CNTNAP5: variants seen among roughly 807,000 people sequenced by gnomAD.
CNTNAP5 encodes the protein contactin associated protein family member 5.
Under a neutral mutation model 150.2 loss-of-function variants are expected in CNTNAP5, and 72 were observed. The ratio of observed to expected loss-of-function variants is 0.48; its 90% confidence interval spans 0.40 to 0.58. The LOEUF (loss-of-function observed/expected upper bound fraction) is 0.58, where lower values mean the gene tolerates loss of function less well. Ranked by LOEUF, CNTNAP5 falls within the 20% of genes least tolerant of loss-of-function variation. The pLI is 0.00. For synonymous variants in CNTNAP5, 672 were observed against 619.8 expected, an observed-to-expected ratio of 1.08 and a Z score of -1.25; for missense variants, 1,636 against 1,626.2, an observed-to-expected ratio of 1.01 and a Z score of -0.10.
intron 1 of CNTNAP5, among the ~76,000 whole-genome samples, chr2:124,096,861 GC>G (rs1682951229): frequency 6.6e-6 from 1 of 151,724 alleles, no homozygotes; most frequent in South Asian, 2.1e-4. Context: ...ACACCACCAT[GC>G]CGGGCTAATT....
intron 3 of CNTNAP5, among the ~76,000 whole-genome samples, chr2:124,335,141 A>G (rs953497319): frequency 6.6e-6 from 1 of 152,078 alleles, no homozygotes; most frequent in Non-Finnish European, 1.5e-5. Flanking sequence ...TCCACCCAAA[A>G]TATGGGGTGC....
intron 1 of CNTNAP5, among the ~76,000 whole-genome samples, chr2:124,198,713 T>C (rs1194154964): frequency 1.3e-5 from 2 of 152,126 alleles, no homozygotes; most frequent in Non-Finnish European, 2.9e-5. Flanking sequence ...TAAGAAATAG[T>C]TTTTTAGCTT....
chr2:124,484,077 A>G (rs767718955), intron 7 of CNTNAP5, among the ~76,000 whole-genome samples: 9 of 152,078 alleles, frequency 5.9e-5, no homozygotes, highest in Non-Finnish European at 1.0e-4. Context: ...ACTACTTCCA[A>G]CTACCACAGC....
chr2:124,624,704 C>T (rs1388809111), intron 12 of CNTNAP5, among the ~76,000 whole-genome samples: 2 of 152,082 alleles, frequency 1.3e-5, no homozygotes, highest in Non-Finnish European at 2.9e-5. Context: ...ATATTTTGCA[C>T]AGTGTGGAAA....
intron 21 of CNTNAP5, among the ~76,000 whole-genome samples, chr2:124,900,784 G>A (rs762617681): frequency 6.6e-6 from 1 of 151,492 alleles, no homozygotes; most frequent in Non-Finnish European, 1.5e-5. Context: ...ATCCTACAAT[G>A]CAAAAACCTC....
intron 1 of CNTNAP5, among the ~76,000 whole-genome samples, chr2:124,035,282 T>C (rs1168053002): frequency 1.3e-5 from 2 of 152,220 alleles, no homozygotes; most frequent in African/African-American, 2.4e-5. Context: ...TTAAGTCTTT[T>C]CCCCCTGCTC....
intron 6 of CNTNAP5, among the ~76,000 whole-genome samples, chr2:124,453,149 G>A (rs1054094014): frequency 9.9e-5 from 15 of 151,396 alleles, no homozygotes; most frequent in East Asian, 1.9e-4. Context: ...GAAGTGAAGG[G>A]AGAAATATTC....
intron 1 of CNTNAP5, among the ~76,000 whole-genome samples, chr2:124,083,475 G>C (rs887210948): frequency 3.9e-5 from 6 of 152,068 alleles, no homozygotes; most frequent in Admixed American, 6.5e-5. Context: ...AGTCAAATCT[G>C]ACTTTATGGA....
In CNTNAP5 at chr2:124,772,179, G is replaced by A. The variant is rs115102609; in HGVS notation, c.2534-620G>A. Among the ~76,000 whole-genome samples, 1,064 of 152,198 alleles carry A rather than the reference G, an allele frequency of 7.0e-3. 6 individuals are homozygous for A. The highest frequency in any genetic ancestry group is 0.011 in the Non-Finnish European group (733 of 68,010). On this transcript the variant is annotated intron_variant, in intron 16 of 23. Coordinates refer to ENST00000682447, the MANE Select transcript of CNTNAP5 (RefSeq NM_001367498.1). The stretch of plus-strand genomic sequence containing the variant: ...ATCATCAGTATGCTTACTTCTGACT[G>A]GGTGCCATCTGGCTTCCATTATACA...
intron 3 of CNTNAP5, among the ~76,000 whole-genome samples, chr2:124,354,839 T>G (rs1408959742): frequency 6.6e-6 from 1 of 152,102 alleles, no homozygotes; most frequent in Admixed American, 6.6e-5. Flanking sequence ...TATGACCAGA[T>G]TTTTTATATG....
intron 19 of CNTNAP5, among the ~76,000 whole-genome samples, chr2:124,813,882 T>C (rs1406224753): frequency 6.6e-6 from 1 of 151,962 alleles, no homozygotes; most frequent in Non-Finnish European, 1.5e-5. Flanking sequence ...GCTTTGGCTA[T>C]CTTTGTTCTG....
chr2:124,326,372 G>A (rs1276981039), intron 3 of CNTNAP5, among the ~76,000 whole-genome samples: 1 of 152,196 alleles, frequency 6.6e-6, no homozygotes, highest in African/African-American at 2.4e-5. Context: ...GTGTGTGCCT[G>A]TGCCAACATG....
At chr2:124,120,676 G>T (rs1391619506) in intron 1 of CNTNAP5, among the ~76,000 whole-genome samples, 1 of 152,174 alleles carries the variant, frequency 6.6e-6, no homozygotes, top group Non-Finnish European at 1.5e-5. Context: ...CGATTTACAG[G>T]CAAGTTTTCA....
intron 12 of CNTNAP5, among the ~76,000 whole-genome samples, chr2:124,641,177 T>TCAGA: frequency 6.8e-6 from 1 of 146,034 alleles, no homozygotes; most frequent in Admixed American, 6.8e-5. Flanking sequence ...GGAGCACCAC[T>TCAGA]CAGAGCCAGC....
chr2:124,660,033 AG>A (rs1678550589), intron 13 of CNTNAP5, among the ~76,000 whole-genome samples: 1 of 93,660 alleles, frequency 1.1e-5, no homozygotes, highest in Non-Finnish European at 2.4e-5. Context: ...GGAGGAAGGA[AG>A]GAAGGAAGAA....
intron 1 of CNTNAP5, among the ~76,000 whole-genome samples, chr2:124,207,907 A>G (rs749005095): frequency 6.6e-6 from 1 of 152,194 alleles, no homozygotes; most frequent in Non-Finnish European, 1.5e-5. Flanking sequence ...AGCACTGAAT[A>G]CCTGGACATG....
chr2:124,786,333 G>GAGAAAGAA (rs1260220761), intron 17 of CNTNAP5, among the ~76,000 whole-genome samples: 34 of 123,084 alleles, frequency 2.8e-4, no homozygotes, highest in African/African-American at 9.2e-4. Context: ...AAGAAAGAAA[G>GAGAAAGAA]AGAAAGAAAG....
intron 1 of CNTNAP5, among the ~76,000 whole-genome samples, chr2:124,159,287 A>C (rs1006279162): frequency 2.0e-5 from 3 of 152,182 alleles, no homozygotes; most frequent in African/African-American, 7.2e-5. Flanking sequence ...TTAAACCGGA[A>C]TCTGCAAACT....
intron 5 of CNTNAP5, among the ~76,000 whole-genome samples, chr2:124,442,665 G>T (rs1395790710): frequency 1.3e-5 from 2 of 152,070 alleles, no homozygotes; most frequent in Admixed American, 1.3e-4. Flanking sequence ...AAAGGAAAAT[G>T]ATAGATTTGT....
Sources: gnomAD v4.1 joint callset for allele counts (sites outside exome capture counted in the v4.1 genomes callset) on GRCh38, gnomAD v4.1.1 for gene constraint, MANE v1.5 for transcripts, NCBI Gene and HGNC (gene_info 2026-07-23, HGNC 2026-07-21) for gene names.